DPH6: variants seen among roughly 807,000 people sequenced by gnomAD.
DPH6 encodes the protein diphthine--ammonia ligase.
Under a neutral mutation model 38.2 loss-of-function variants are expected in DPH6, and 33 were observed. The ratio of observed to expected loss-of-function variants is 0.86; its 90% CI spans 0.65 to 1.15. The LOEUF is 1.15. Among genes scored for constraint, DPH6 ranks in the 50% most tolerant of loss-of-function variants. DPH6 has a pLI of 0.00. For missense variants in DPH6, 325 were observed against 320.0 expected, an observed-to-expected ratio of 1.02 and a Z score of -0.12; for synonymous variants, 108 against 103.0, an observed-to-expected ratio of 1.05 and a Z score of -0.30.
chr15:35,219,737 G>A (rs773141084), exon 4 of DPH6: 1 of 152,102 alleles, frequency 6.6e-6, no homozygotes, highest in Non-Finnish European at 1.5e-5. Flanking sequence ...GGGAGTAGCT[G>A]TTCAGTTTCT....
intron 3 of DPH6, chr15:35,520,866 A>AGG: frequency 1.0e-6 from 1 of 985,226 alleles, no homozygotes; most frequent in Non-Finnish European, 1.2e-6. Context: ...CCTCTAATAA[A>AGG]GGAACCCAAA....
rs963063045 is a variant in DPH6, at chr15:35,296,890, C to T, written n.201-76308G>A. On this transcript the variant is annotated intron_variant and non_coding_transcript_variant, in intron 3 of 3. Transcript: ENST00000560386. ...CGCAATCTCGGCTCACTGCAAGCTC[C>T]GCTTCCCGGGTTCACGCCATTCTCC... is the stretch of plus-strand genomic sequence containing the variant. Among the ~76,000 whole-genome samples, 8 of 150,186 alleles carry T rather than the reference C, an allele frequency of 5.3e-5. No individual in the cohort carries two copies. The South Asian group carries it at 1.3e-3, about 24-fold the overall frequency.
intron 8 of DPH6, 97 bp from the exon 9 acceptor site, chr15:35,372,300 A>G: frequency 9.6e-7 from 1 of 1,039,686 alleles, no homozygotes; most frequent in Non-Finnish European, 1.3e-6. Context: ...GTTATCTGAA[A>G]TACTGTTATC....
chr15:35,440,241 G>C (rs570010499), intron 5 of DPH6, among the ~76,000 whole-genome samples: 3 of 152,116 alleles, frequency 2.0e-5, no homozygotes, highest in African/African-American at 7.2e-5. Context: ...TTTCCTTTTT[G>C]GGAAAATAAG....
intron 3 of DPH6, among the ~76,000 whole-genome samples, chr15:35,346,476 C>A (rs1488307789): frequency 6.6e-6 from 1 of 152,034 alleles, no homozygotes; most frequent in Non-Finnish European, 1.5e-5. Flanking sequence ...TACTTGATGT[C>A]TTTAATATTT....
intron 6 of DPH6, chr15:35,401,553 T>C (rs1225586849): frequency 1.3e-5 from 10 of 771,152 alleles, no homozygotes; most frequent in Non-Finnish European, 2.2e-5. Context: ...TTGGTGGTGG[T>C]AGTGGAAGCA....
intron 3 of DPH6, among the ~76,000 whole-genome samples, chr15:35,233,002 T>C (rs939823121): frequency 6.6e-6 from 1 of 152,064 alleles, no homozygotes; most frequent in African/African-American, 2.4e-5. Flanking sequence ...TGAAAAACCA[T>C]GCAACCATGA....
intron 3 of DPH6, among the ~76,000 whole-genome samples, chr15:35,264,193 C>T (rs1256192009): frequency 6.6e-6 from 1 of 151,694 alleles, no homozygotes; most frequent in Non-Finnish European, 1.5e-5. Context: ...GGAAGGAGCA[C>T]AATCTATCTT....
the DPH6 span, among the ~76,000 whole-genome samples, chr15:35,183,904 G>T: frequency 6.6e-6 from 1 of 152,214 alleles, no homozygotes; most frequent in East Asian, 1.9e-4. Context: ...TTATTAAAAT[G>T]TTCTTTTCTA....
At chr15:35,299,975 G>T (rs966658893) in intron 3 of DPH6, among the ~76,000 whole-genome samples, 4 of 152,306 alleles carry the variant, frequency 2.6e-5, no homozygotes, top group South Asian at 2.1e-4. Context: ...AACACGCGGA[G>T]ACCAGTGAGG....
chr15:35,145,032 A>G, the DPH6 span, among the ~76,000 whole-genome samples: 1 of 152,164 alleles, frequency 6.6e-6, no homozygotes, highest in Non-Finnish European at 1.5e-5. Context: ...TTGATTTCTA[A>G]GTGTAGGTAA....
intron 3 of DPH6, among the ~76,000 whole-genome samples, chr15:35,311,490 A>G (rs2052141574): frequency 6.6e-6 from 1 of 152,218 alleles, no homozygotes; most frequent in Non-Finnish European, 1.5e-5. Flanking sequence ...TCTACAATAA[A>G]GCTAATTTAA....
chr15:35,531,431 AC>A (rs1270542486), intron 3 of DPH6, among the ~76,000 whole-genome samples: 2 of 152,152 alleles, frequency 1.3e-5, no homozygotes, highest in African/African-American at 4.8e-5. Flanking sequence ...GTTTTATATC[AC>A]ATATCATAGT....
At chr15:35,355,036 G>A (rs988858260) in intron 3 of DPH6, among the ~76,000 whole-genome samples, 27 of 152,262 alleles carry the variant, frequency 1.8e-4, no homozygotes, top group Non-Finnish European at 3.5e-4. Flanking sequence ...TTACCATTAC[G>A]TAATGGCCTT....
intron 3 of DPH6, among the ~76,000 whole-genome samples, chr15:35,346,972 T>A (rs896081743): frequency 1.1e-4 from 16 of 152,002 alleles, no homozygotes; most frequent in African/African-American, 1.9e-4. Flanking sequence ...TTTAAAAAAA[T>A]TTTTTTTGTT....
intron 3 of DPH6, chr15:35,520,785 T>C (rs2054913055): frequency 2.0e-6 from 2 of 984,728 alleles, no homozygotes; most frequent in East Asian, 1.1e-4. Context: ...CATTAATGTA[T>C]ATCTAATCAT....
intron 3 of DPH6, among the ~76,000 whole-genome samples, chr15:35,533,864 G>C (rs2055126464): frequency 6.6e-6 from 1 of 152,010 alleles, no homozygotes; most frequent in Non-Finnish European, 1.5e-5. Flanking sequence ...TTGCATGGAA[G>C]AGAACAGAGC....
At chr15:35,490,106 GCT>G (rs2054456997) in intron 3 of DPH6, 2 of 985,190 alleles carry the variant, frequency 2.0e-6, no homozygotes, top group Non-Finnish European at 2.4e-6. Flanking sequence ...AGGCTCACCA[GCT>G]CTTTTTCAAC....
rs181624578 is a variant in DPH6 at position 35,347,313 on chromosome 15, G to T, written n.208-16236C>A. Among the ~76,000 whole-genome samples the T allele has an allele frequency of 2.4e-3, 359 of 152,156 alleles. 1 individual carries two copies. The highest frequency in any genetic ancestry group is 5.4e-3 in the South Asian group (26 of 4,816). ...TTTATTCATGTTGTCATATATGACA[G>T]AATTGCCTGTTTGTTTGTTTGTAGA... is the stretch of plus-strand genomic sequence containing the variant. On this transcript the variant is annotated intron_variant and non_coding_transcript_variant, in intron 3 of 3. Coordinates refer to the DPH6 transcript ENST00000558973.
Sources: allele counts gnomAD v4.1 joint callset (sites outside exome capture counted in the v4.1 genomes callset), GRCh38; gene constraint gnomAD v4.1.1; transcripts MANE v1.5; gene names NCBI Gene and HGNC (gene_info 2026-07-23, HGNC 2026-07-21).